The following OPCML variants were observed in gnomAD, a reference collection of about 807,000 sequenced individuals.
OPCML encodes the protein opioid-binding protein/cell adhesion molecule.
OPCML carries 13 observed loss-of-function variants against 37.8 expected under a neutral mutation model. The observed-to-expected ratio is 0.34, with a 90% CI of 0.22 to 0.55. The LOEUF (loss-of-function observed/expected upper bound fraction) is 0.55, where lower values mean the gene tolerates loss of function less well. Among genes scored for constraint, OPCML ranks in the 20% least tolerant of loss-of-function variants. OPCML has a pLI of 0.91. For synonymous variants in OPCML, 176 were observed against 168.8 expected (o/e 1.04, Z -0.33); for missense variants, 341 against 435.6 (o/e 0.78, Z 1.93).
At position 133,124,686 on chromosome 11, in the gene OPCML, T is replaced by C. The variant is rs189510542; in HGVS notation, c.62-181676A>G. 3.6e-3 allele frequency among the ~76,000 whole-genome samples: 549 copies of C among 152,250 alleles called. 3 individuals are homozygous for C. The highest frequency in any genetic ancestry group is 0.011 in the African/African-American group (444 of 41,542). On this transcript the variant is annotated intron_variant, in intron 1 of 7. Transcript: ENST00000524381. ...CCTTGTTCCTCAGCCTTCATCACGTTCTGCAACCCTGAAAGGCTCATGCAC... is the reference window on the plus strand; with the variant it reads ...CCTTGTTCCTCAGCCTTCATCACGTCCTGCAACCCTGAAAGGCTCATGCAC...
At chr11:133,185,017 C>T (rs1281886282) in intron 1 of OPCML, among the ~76,000 whole-genome samples, 1 of 152,156 alleles carries the variant, frequency 6.6e-6, no homozygotes, top group African/African-American at 2.4e-5. Context: ...TACCATATTT[C>T]ATTGCAGAAA....
intron 2 of OPCML, among the ~76,000 whole-genome samples, chr11:132,837,943 C>T (rs1163657279): frequency 2.0e-5 from 3 of 152,230 alleles, no homozygotes; most frequent in African/African-American, 7.2e-5. Flanking sequence ...CGTTCAATGC[C>T]AGGCCGCTGT....
intron 2 of OPCML, among the ~76,000 whole-genome samples, 188 bp downstream of exon 2, chr11:132,942,738 C>T (rs1210514140): frequency 1.3e-5 from 2 of 152,310 alleles, no homozygotes; most frequent in Non-Finnish European, 2.9e-5. Context: ...CCAGCATAGC[C>T]GGAGCACAGG....
rs566102025 is a variant in OPCML, at chr11:133,261,537, G to A, written c.61+270727C>T. 5.9e-5 allele frequency among the ~76,000 whole-genome samples: 9 copies of A among 152,248 alleles called. No homozygotes were observed. In the East Asian group the frequency reaches 1.5e-3, roughly 26 times the overall value. ...CTGGCATCAGACGAAAGAGTGGTGA[G>A]GCTGGCACATGGTCTGCATCCGTCT... is the stretch of plus-strand genomic sequence containing the variant. On this transcript the variant is annotated intron_variant, in intron 1 of 7. Coordinates refer to ENST00000524381, the MANE Select transcript of OPCML (RefSeq NM_001012393.5).
Position 132,977,395 on chromosome 11 carries a change from C to A in OPCML, c.62-34385G>T, listed in dbSNP as rs561341147. Among the ~76,000 whole-genome samples, 4 of 152,238 alleles carry A rather than the reference C, an allele frequency of 2.6e-5. No homozygotes were observed. In the South Asian group the frequency reaches 8.3e-4, roughly 32 times the overall value. ...TGTGTCAATAACAACTAAATAATAT[C>A]CCAAAATACCCAGAATCTGGAACTG... is the stretch of plus-strand genomic sequence containing the variant. On this transcript the variant is annotated intron_variant, in intron 1 of 7. Transcript: ENST00000524381.
chr11:132,827,112 A>G (rs997713614), intron 2 of OPCML, among the ~76,000 whole-genome samples: 1 of 152,228 alleles, frequency 6.6e-6, no homozygotes, highest in Admixed American at 6.5e-5. Flanking sequence ...ATAAACTACC[A>G]AGATAATGAG....
At chr11:132,931,023 C>G (rs1198944038) in intron 2 of OPCML, among the ~76,000 whole-genome samples, 1 of 151,928 alleles carries the variant, frequency 6.6e-6, no homozygotes, top group African/African-American at 2.4e-5. Flanking sequence ...AATACATGCT[C>G]AAATTACTTT....
intron 3 of OPCML, among the ~76,000 whole-genome samples, chr11:132,634,924 G>C (rs111619681): frequency 1.6e-4 from 25 of 151,950 alleles, no homozygotes; most frequent in South Asian, 4.2e-4. Context: ...CCTTGCATGC[G>C]AGATAAGAAT....
At chr11:132,937,743 C>T (rs879316890) in intron 2 of OPCML, among the ~76,000 whole-genome samples, 1 of 151,992 alleles carries the variant, frequency 6.6e-6, no homozygotes, top group African/African-American at 2.4e-5. Flanking sequence ...CATGACCCAA[C>T]CCAGGACATG....
At chr11:133,522,594 A>C (rs970421086) in intron 1 of OPCML, among the ~76,000 whole-genome samples, 1 of 152,194 alleles carries the variant, frequency 6.6e-6, no homozygotes, top group Non-Finnish European at 1.5e-5. Context: ...GGAACACAGT[A>C]ATGGTCAAGG....
chr11:133,226,270 A>G (rs1940030667), intron 1 of OPCML, among the ~76,000 whole-genome samples: 1 of 152,256 alleles, frequency 6.6e-6, no homozygotes, highest in Admixed American at 6.5e-5. Flanking sequence ...ACACAGGGTT[A>G]ACCTCATTTT....
chr11:132,647,519 G>A (rs1444474668), intron 3 of OPCML, among the ~76,000 whole-genome samples: 1 of 152,098 alleles, frequency 6.6e-6, no homozygotes, highest in African/African-American at 2.4e-5. Context: ...TGTATATTTT[G>A]TATTTATATT....
intron 2 of OPCML, among the ~76,000 whole-genome samples, chr11:132,852,617 A>T (rs184770888): frequency 3.0e-4 from 46 of 152,268 alleles, no homozygotes; most frequent in African/African-American, 9.9e-4. Context: ...AGGAGAAAAA[A>T]AAAAGAGAGA....
At chr11:132,751,804 G>A (rs749380124) in intron 2 of OPCML, among the ~76,000 whole-genome samples, 1 of 152,140 alleles carries the variant, frequency 6.6e-6, no homozygotes, top group Non-Finnish European at 1.5e-5. Context: ...GTTTATTCAG[G>A]CTATGTGTGT....
chr11:132,760,319 T>G (rs771283496), intron 2 of OPCML, among the ~76,000 whole-genome samples: 1 of 152,182 alleles, frequency 6.6e-6, no homozygotes, highest in Non-Finnish European at 1.5e-5. Flanking sequence ...GAGGTCCACT[T>G]AGTCCAGAGC....
chr11:133,453,750 A>G (rs183215456), intron 1 of OPCML, among the ~76,000 whole-genome samples: 38 of 152,270 alleles, frequency 2.5e-4, no homozygotes, highest in Admixed American at 1.2e-3. Flanking sequence ...CTCACGTGGC[A>G]CAAGCTTTGC....
intron 2 of OPCML, among the ~76,000 whole-genome samples, chr11:132,893,041 C>A (rs1269539129): frequency 6.6e-6 from 1 of 152,146 alleles, no homozygotes; most frequent in East Asian, 1.9e-4. Context: ...CACATTTCAC[C>A]CCTCTGCCAT....
chr11:133,012,870 C>CA (rs11456619), intron 1 of OPCML, among the ~76,000 whole-genome samples: 63,869 of 112,768 alleles, frequency 0.57, 16,072 homozygotes, highest in East Asian at 0.81. Flanking sequence ...AACTCCATCT[C>CA]AAAAAAAAAA....
chr11:133,324,821 C>T (rs1270539965), intron 1 of OPCML, among the ~76,000 whole-genome samples: 1 of 151,940 alleles, frequency 6.6e-6, no homozygotes, highest in African/African-American at 2.4e-5. Flanking sequence ...AATATATATT[C>T]ATATGTGTGT....
Sources: allele counts gnomAD v4.1 joint callset (sites outside exome capture counted in the v4.1 genomes callset), GRCh38; gene constraint gnomAD v4.1.1; transcripts MANE v1.5; gene names NCBI Gene and HGNC (gene_info 2026-07-23, HGNC 2026-07-21).